The following RAB5B variants were observed in gnomAD, a reference collection of about 807,000 sequenced individuals.
RAB5B encodes ras-related protein Rab-5B.
A neutral mutation model predicts 28.6 loss-of-function variants in RAB5B; 11 were observed. That is an observed-to-expected ratio of 0.38 (90% CI 0.24 to 0.64). The LOEUF (loss-of-function observed/expected upper bound fraction) is 0.64. Among genes scored for constraint, RAB5B ranks in the 30% least tolerant of loss-of-function variants. The pLI is 0.53. For synonymous variants in RAB5B, 93 were observed against 97.9 expected (o/e 0.95, Z 0.29); for missense variants, 169 against 265.6 (o/e 0.64, Z 2.53).
At chr12:55,975,539 G>A (rs958331986) in intron 1 of RAB5B, among the ~76,000 whole-genome samples, 5 of 151,822 alleles carry the variant, frequency 3.3e-5, no homozygotes, top group African/African-American at 9.7e-5. Flanking sequence ...ACTTGAGCCC[G>A]GGAGTTCGAG....
In RAB5B at chr12:55,996,256, C is replaced by T. The variant is rs1592815933; in HGVS notation, c.*4044C>T. On this transcript the variant is annotated 3_prime_UTR_variant, in exon 6 of 6. Transcript: ENST00000360299. ...ATCTTTCAAAATTAAAGGTGAACAC[C>T]TTCACTTAAACTGATTAAAATTGCA... 6.6e-6 allele frequency: 1 copy of T among 151,850 alleles called. No individual in the cohort carries two copies. The allele number at this position is 151,850 out of a possible 1,614,324, so 9.4% of individuals were successfully genotyped here.
intron 1 of RAB5B, among the ~76,000 whole-genome samples, chr12:55,975,295 A>G (rs573718657): frequency 4.5e-4 from 69 of 152,306 alleles, no homozygotes; most frequent in Admixed American, 9.2e-4. Context: ...GTCCGAAACT[A>G]TGCGGTGATA....
rs764931369 is a variant in RAB5B at position 55,992,979 on chromosome 12, G to A, written c.*767G>A. 12 of 189,688 alleles carry A rather than the reference G, an allele frequency of 6.3e-5. No homozygotes were observed. Among genetic ancestry groups the A allele is most frequent in the Non-Finnish European group, 1.1e-4 (10 of 94,100 alleles). The allele number at this position is 189,688 out of a possible 1,614,324, so 11.8% of individuals were successfully genotyped here. Reference sequence around the variant, plus strand: ...CCCCTCACGCAGCCTCTTAGGTAGCGTTTCCCCTAATCGTGGGGGTTGGAC... The same window carrying A: ...CCCCTCACGCAGCCTCTTAGGTAGCATTTCCCCTAATCGTGGGGGTTGGAC... On this transcript the variant is annotated 3_prime_UTR_variant, in exon 6 of 6. Transcript: ENST00000360299.
intron 2 of RAB5B, among the ~76,000 whole-genome samples, chr12:55,987,456 G>A (rs920495653): frequency 6.6e-6 from 1 of 151,812 alleles, no homozygotes; most frequent in African/African-American, 2.4e-5. Context: ...GAGTCACCAC[G>A]CCGGGCCGGT....
In RAB5B at chr12:55,992,293, C is replaced by T; in HGVS notation, c.*81C>T. 2 of 1,196,684 alleles carry T rather than the reference C, an allele frequency of 1.7e-6. No homozygotes were observed. The highest frequency in any genetic ancestry group is 1.2e-6 in the Non-Finnish European group (1 of 822,640). The allele number at this position is 1,196,684 out of a possible 1,614,324, so 74.1% of individuals were successfully genotyped here. ...TCCATCCCTACCCCTCAGCACACAACCCCTACGGTAACAGCACACTGAGCC... is the reference window on the plus strand; with the variant it reads ...TCCATCCCTACCCCTCAGCACACAATCCCTACGGTAACAGCACACTGAGCC... On this transcript the variant is annotated 3_prime_UTR_variant, in exon 6 of 6. Transcript: ENST00000360299.
rs1380711876 is a variant in RAB5B, at chr12:55,995,037, A to C, written c.*2825A>C. On this transcript the variant is annotated 3_prime_UTR_variant, in exon 6 of 6. Coordinates refer to ENST00000360299, the MANE Select transcript of RAB5B (RefSeq NM_002868.4). ...GGTCTGTGGATCTTTGGGCCCACTGATCAGATTAGAGAGAGGGGTGCTATT... is the reference window on the plus strand; with the variant it reads ...GGTCTGTGGATCTTTGGGCCCACTGCTCAGATTAGAGAGAGGGGTGCTATT... 1.3e-5 allele frequency: 2 copies of C among 151,754 alleles called. No individual in the cohort carries two copies. Among genetic ancestry groups the C allele is most frequent in the Non-Finnish European group, 2.9e-5 (2 of 67,986 alleles). 9.4% of individuals were successfully genotyped at this position (151,754 alleles called of 1,614,324 possible). A position where few individuals can be genotyped will look rare whatever the true frequency, so the allele number is the denominator to read the frequency against.
Position 55,996,569 on chromosome 12 carries a change from C to G in RAB5B, c.*4357C>G, listed in dbSNP as rs1039204680. 1 of 152,208 alleles carries G rather than the reference C, an allele frequency of 6.6e-6. No homozygotes were observed. Among genetic ancestry groups the G allele is most frequent in the African/African-American group, 2.4e-5 (1 of 41,440 alleles). The allele number at this position is 152,208 out of a possible 1,614,324, so 9.4% of individuals were successfully genotyped here. A position where few individuals can be genotyped will look rare whatever the true frequency, so the allele number is the denominator to read the frequency against. On this transcript the variant is annotated 3_prime_UTR_variant, in exon 6 of 6. Transcript: ENST00000360299. The stretch of plus-strand genomic sequence containing the variant: ...CTTGGCTCAGTGCAACCTCGAACTC[C>G]TGGGCTTAAGCGATCCTCCCGCCTC...
intron 1 of RAB5B, among the ~76,000 whole-genome samples, chr12:55,976,264 T>G (rs1037073461): frequency 1.3e-5 from 2 of 152,278 alleles, no homozygotes. Context: ...CTCATCAAAC[T>G]CTAGTCTTAT....
Position 55,992,741 on chromosome 12 carries a change from C to T in RAB5B, c.*529C>T. 2 of 304,362 alleles carry T rather than the reference C, an allele frequency of 6.6e-6. No homozygotes were observed. Among genetic ancestry groups the T allele is most frequent in the Non-Finnish European group, 1.2e-5 (2 of 161,202 alleles). 18.9% of individuals were successfully genotyped at this position (304,362 alleles called of 1,614,324 possible). A position where few individuals can be genotyped will look rare whatever the true frequency, so the allele number is the denominator to read the frequency against. On this transcript the variant is annotated 3_prime_UTR_variant, in exon 6 of 6. Transcript: ENST00000360299. ...CTCAGAGCAGGAGGGAGTAAGGAAA[C>T]ATTTCCTTTTTGTTTTTATTTGGTT...
At chr12:55,988,424 A>G (rs753227046) in intron 2 of RAB5B, among the ~76,000 whole-genome samples, 5 of 152,230 alleles carry the variant, frequency 3.3e-5, no homozygotes, top group Non-Finnish European at 7.3e-5. Flanking sequence ...TTTCCCCACT[A>G]CTACCCCAAA....
Position 55,990,379 on chromosome 12 carries a change from G to T in RAB5B, c.315+281G>T, listed in dbSNP as rs183957761. ...GCCGAGATCGAGCCACTGCACTCTA[G>T]CCTCGGCGACAGAGCAAAACTCCGC... On this transcript the variant is annotated intron_variant, in intron 3 of 5. Transcript: ENST00000360299. Among the ~76,000 whole-genome samples the T allele has an allele frequency of 8.2e-3, 1,252 of 152,052 alleles. 64 individuals are homozygous for T. The highest frequency in any genetic ancestry group is 0.075 in the Admixed American group (1,150 of 15,248).
At chr12:55,988,754 C>T (rs973022410) in intron 2 of RAB5B, among the ~76,000 whole-genome samples, 16 of 151,456 alleles carry the variant, frequency 1.1e-4, no homozygotes, top group African/African-American at 3.2e-4. Context: ...CCACCCGCCT[C>T]GGCCTCCCAA....
At chr12:55,979,280 A>G (rs1388472906) in intron 1 of RAB5B, 1 of 152,172 alleles carries the variant, frequency 6.6e-6, no homozygotes, top group Non-Finnish European at 1.5e-5. Context: ...CCATACTGAT[A>G]AGAGGTAAGT....
chr12:55,990,234 C>A lies in RAB5B; in HGVS notation c.315+136C>A, dbSNP rs879738101. ...ACCATCCTGGCCAACATGGTGAAACCCCGTCTCTACTAAAATTACAAAAAT... is the reference window on the plus strand; with the variant it reads ...ACCATCCTGGCCAACATGGTGAAACACCGTCTCTACTAAAATTACAAAAAT... On this transcript the variant is annotated intron_variant, in intron 3 of 5. Transcript: ENST00000360299. The A allele has an allele frequency of 2.1e-5, 21 of 979,388 alleles. No individual in the cohort carries two copies. In the East Asian group the frequency reaches 5.7e-4, roughly 26 times the overall value. The allele number at this position is 979,388 out of a possible 1,614,324, so 60.7% of individuals were successfully genotyped here.
At chr12:55,988,264 G>A (rs117894492) in intron 2 of RAB5B, among the ~76,000 whole-genome samples, 4,602 of 152,280 alleles carry the variant, frequency 0.03, 198 homozygotes, top group East Asian at 0.13. Flanking sequence ...CTCATGAGGC[G>A]GAGGTTGCAG....
chr12:55,983,221 G>A (rs112446208), intron 1 of RAB5B, among the ~76,000 whole-genome samples: 1 of 152,274 alleles, frequency 6.6e-6, no homozygotes, highest in East Asian at 1.9e-4. Flanking sequence ...TGGGACTACA[G>A]GCATGTGGCG....
chr12:55,981,958 C>T (rs1162883151), intron 1 of RAB5B, among the ~76,000 whole-genome samples: 2 of 151,944 alleles, frequency 1.3e-5, no homozygotes, highest in East Asian at 1.9e-4. Context: ...TCAGCCACCA[C>T]ACCTGGCTAA....
chr12:55,990,981 A>G (rs2136490413), intron 4 of RAB5B, 177 bp downstream of exon 4: 3 of 840,110 alleles, frequency 3.6e-6, no homozygotes, highest in East Asian at 5.6e-5. Context: ...GAGATTTTCA[A>G]AGGAGTCAGG....
At chr12:55,990,650 C>A in intron 3 of RAB5B, 32 bp from the exon 4 acceptor site, 2 of 1,611,338 alleles carry the variant, frequency 1.2e-6, no homozygotes, top group South Asian at 2.2e-5. Context: ...GGCAGTCATT[C>A]CAGCCTACTC....
Sources: allele counts gnomAD v4.1 joint callset (sites outside exome capture counted in the v4.1 genomes callset), GRCh38; gene constraint gnomAD v4.1.1; transcripts MANE v1.5; gene names NCBI Gene and HGNC (gene_info 2026-07-23, HGNC 2026-07-21).